ATP11C: variants seen among roughly 807,000 people sequenced by gnomAD.
The protein encoded by ATP11C is ATPase phospholipid transporting 11C (ATP11C blood group).
ATP11C carries 36 observed loss-of-function variants against 97.4 expected under a neutral mutation model. The observed-to-expected ratio is 0.37, with a 90% CI of 0.28 to 0.49. The LOEUF is 0.49. ATP11C is among the 20% of genes least tolerant of loss of function. The pLI is 0.98. For missense variants in ATP11C, 730 were observed against 824.6 expected (o/e 0.89, Z 1.40); for synonymous variants, 275 against 290.9 (o/e 0.95, Z 0.56).
chrX:139,936,081 T>C (rs1455721510), upstream of ATP11C, among the ~76,000 whole-genome samples: 1 of 109,881 alleles, frequency 9.1e-6, no homozygotes, highest in Non-Finnish European at 1.9e-5. Flanking sequence ...GAGAATCGCT[T>C]GAGTCCAGGA....
At chrX:139,832,068 C>G in intron 1 of ATP11C, 1 of 963,886 alleles carries the variant, frequency 1.0e-6, no homozygotes, top group Non-Finnish European at 1.4e-6. Flanking sequence ...AATATACATG[C>G]AAATAAAAAG....
At chrX:139,841,124 T>G (rs1473824254) in intron 1 of ATP11C, among the ~76,000 whole-genome samples, 2 of 112,644 alleles carry the variant, frequency 1.8e-5, no homozygotes, top group African/African-American at 6.4e-5. Context: ...AAGAATAACA[T>G]CTCAATGATT....
chrX:139,821,983 T>A (rs1003767007), intron 2 of ATP11C, among the ~76,000 whole-genome samples: 1 of 112,061 alleles, frequency 8.9e-6, no homozygotes, highest in African/African-American at 3.2e-5. Flanking sequence ...GCCATATACA[T>A]CAAGTTATTC....
In ATP11C at chrX:139,816,897, A is replaced by G; in HGVS notation, c.284T>C (p.Leu95Pro). ...PTSPVTSGLPLFFVITVTAIK... is the reference protein window; with the variant it reads ...PTSPVTSGLPPFFVITVTAIK... ...GGCTGTAACAGTTATAACAAAGAAA[A>G]GTGGAAGTCCACTGGTAACTGGGCT... is the stretch of plus-strand genomic sequence containing the variant. Residue 95 changes from leucine (L) to proline (P), a missense_variant, in exon 4 of 30, where the codon CTT becomes CCT. Physicochemically the swap from Leu to Pro is moderately conservative, Grantham distance 98. Transcript: ENST00000682941. The G allele has an allele frequency of 8.3e-7, 1 of 1,203,867 alleles. No homozygotes were observed. Among genetic ancestry groups the G allele is most frequent in the Non-Finnish European group, 1.1e-6 (1 of 890,067 alleles).
intron 12 of ATP11C, among the ~76,000 whole-genome samples, chrX:139,790,464 T>TCACACACACA (rs56853640): frequency 2.4e-4 from 24 of 99,231 alleles, no homozygotes; most frequent in African/African-American, 8.7e-4. Context: ...TCTCTCTCAC[T>TCACACACACA]CACACACACA....
intron 1 of ATP11C, among the ~76,000 whole-genome samples, chrX:139,904,486 C>A (rs777307253): frequency 9.0e-6 from 1 of 111,565 alleles, no homozygotes; most frequent in Non-Finnish European, 1.9e-5. Flanking sequence ...CGAGATCACA[C>A]CACTGCACTC....
At chrX:139,913,812 C>CT (rs1364548515) in intron 1 of ATP11C, among the ~76,000 whole-genome samples, 1 of 111,963 alleles carries the variant, frequency 8.9e-6, no homozygotes, top group East Asian at 2.8e-4. Flanking sequence ...CACACGAAGT[C>CT]TGTTTGGTGA....
chrX:139,879,909 G>C (rs2084535244), intron 1 of ATP11C, among the ~76,000 whole-genome samples: 1 of 110,878 alleles, frequency 9.0e-6, no homozygotes, highest in African/African-American at 3.3e-5. Flanking sequence ...TTTTGACTGG[G>C]AGAGGGCACC....
chrX:139,821,887 A>G (rs2083415982), intron 2 of ATP11C, among the ~76,000 whole-genome samples: 1 of 112,645 alleles, frequency 8.9e-6, no homozygotes, highest in African/African-American at 3.2e-5. Flanking sequence ...CATCTTTTTT[A>G]GTATAATACA....
intron 1 of ATP11C, among the ~76,000 whole-genome samples, chrX:139,829,263 T>A (rs888076374): frequency 1.1e-4 from 12 of 111,431 alleles, no homozygotes; most frequent in African/African-American, 3.9e-4. Context: ...TAGTATGAAG[T>A]AGGTGTCTTT....
intron 1 of ATP11C, among the ~76,000 whole-genome samples, chrX:139,915,967 G>A (rs1049971500): frequency 3.6e-5 from 4 of 111,222 alleles, no homozygotes; most frequent in African/African-American, 1.3e-4. Context: ...GGTGGCTCAC[G>A]TCTGTAATCT....
chrX:139,782,771 T>TG, intron 17 of ATP11C, 43 bp from the exon 18 acceptor site: 2 of 932,465 alleles, frequency 2.1e-6, no homozygotes, highest in East Asian at 3.2e-5. Flanking sequence ...TAATAATAGT[T>TG]GGAAAAAAAA....
intron 1 of ATP11C, among the ~76,000 whole-genome samples, chrX:139,866,343 CAAAAAAA>C (rs57250412): frequency 0.011 from 303 of 27,535 alleles, 4 homozygotes; most frequent in African/African-American, 0.022. Context: ...GACTCTGTCT[CAAAAAAA>C]AAAAAAAAAA....
In ATP11C at chrX:139,832,236, G is replaced by C. The variant is rs897408691; in HGVS notation, c.28-5413C>G. The C allele has an allele frequency of 5.8e-6, 7 of 1,202,429 alleles. No homozygotes were observed. The South Asian group carries it at 9.1e-5, about 16-fold the overall frequency. On this transcript the variant is annotated intron_variant, in intron 1 of 29. Coordinates refer to ENST00000682941, the MANE Select transcript of ATP11C (RefSeq NM_001353812.2). ...AACACAATGGCAGCTAAATCTCAGA[G>C]AGAATGCTGCAGATTATCAAGCAAC...
chrX:139,823,159 G>GA lies in ATP11C; in HGVS notation c.147+3544dup, dbSNP rs778811532. On this transcript the variant is annotated intron_variant, in intron 2 of 29. Transcript: ENST00000682941. The stretch of plus-strand genomic sequence containing the variant: ...CATGAGGCGGAGGTTGCATTGAGCT[G>GA]AAATCGCGCGCCACTACATTCCAGC... 4.5e-5 allele frequency among the ~76,000 whole-genome samples: 5 copies of GA among 111,150 alleles called. No individual in the cohort carries two copies. In the South Asian group the frequency reaches 2.0e-3, roughly 44 times the overall value.
intron 1 of ATP11C, among the ~76,000 whole-genome samples, chrX:139,927,368 G>C (rs910832266): frequency 1.8e-5 from 2 of 111,863 alleles, no homozygotes; most frequent in African/African-American, 6.5e-5. Flanking sequence ...TTGGGAGGCC[G>C]AGGTAGGGAA....
intron 5 of ATP11C, among the ~76,000 whole-genome samples, chrX:139,808,492 T>C (rs2083094925): frequency 9.0e-6 from 1 of 111,458 alleles, no homozygotes; most frequent in Non-Finnish European, 1.9e-5. Context: ...AAAGAAATAT[T>C]ATATACACAA....
At chrX:139,754,093 GA>G (rs973871608) in intron 23 of ATP11C, among the ~76,000 whole-genome samples, 1 of 109,958 alleles carries the variant, frequency 9.1e-6, no homozygotes, top group African/African-American at 3.3e-5. Context: ...GACTAATACA[GA>G]AAAAAAAGAG....
intron 28 of ATP11C, among the ~76,000 whole-genome samples, chrX:139,735,341 G>A (rs1005477502): frequency 5.4e-5 from 6 of 112,008 alleles, no homozygotes; most frequent in Non-Finnish European, 7.6e-5. Flanking sequence ...AGCACTGGCA[G>A]CTGACCTGCC....
Sources: allele counts gnomAD v4.1 joint callset (sites outside exome capture counted in the v4.1 genomes callset), GRCh38; gene constraint gnomAD v4.1.1; transcripts MANE v1.5; gene names NCBI Gene and HGNC (gene_info 2026-07-23, HGNC 2026-07-21).